The following LRRFIP1 variants were observed in gnomAD, a reference collection of about 807,000 sequenced individuals.
LRRFIP1 encodes leucine-rich repeat flightless-interacting protein 1.
LRRFIP1 carries 62 observed loss-of-function variants against 104.4 expected under a neutral mutation model. The ratio of observed to expected loss-of-function variants is 0.59; its 90% CI spans 0.48 to 0.73. The LOEUF is 0.73. Among genes scored for constraint, LRRFIP1 ranks in the 30% least tolerant of loss-of-function variants. The probability of loss-of-function intolerance (pLI) is 0.00; values close to 1 mark genes in which losing one functional copy is unlikely to be tolerated. For missense variants in LRRFIP1, 796 were observed against 824.5 expected (o/e 0.97, Z 0.42); for synonymous variants, 300 against 299.0 (o/e 1.00, Z -0.03).
chr2:237,648,241 C>T (rs1041677261), intron 1 of LRRFIP1, among the ~76,000 whole-genome samples: 5 of 151,902 alleles, frequency 3.3e-5, no homozygotes, highest in Non-Finnish European at 7.4e-5. Flanking sequence ...ACTCAGCACC[C>T]GTGTTCTAAG....
intron 1 of LRRFIP1, chr2:237,692,292 C>A (rs2149767975): frequency 1.7e-6 from 2 of 1,193,144 alleles, no homozygotes; most frequent in African/African-American, 3.2e-5. Flanking sequence ...GCGAGCCGCT[C>A]CCCGGCGGGC....
chr2:237,750,473 A>G (rs1035617302), intron 13 of LRRFIP1, among the ~76,000 whole-genome samples: 1 of 151,196 alleles, frequency 6.6e-6, no homozygotes, highest in East Asian at 1.9e-4. Flanking sequence ...AGTAGCTGGG[A>G]TTACAGGCGC....
intron 1 of LRRFIP1, among the ~76,000 whole-genome samples, chr2:237,630,579 GTGGCTTCCTGGAGGAAGTGGCATTT>G (rs1223195438): frequency 3.3e-5 from 5 of 152,268 alleles, no homozygotes; most frequent in African/African-American, 9.6e-5. Flanking sequence ...GGTCTCAGAA[GTGGCTTCCTGGAGGAAGTGGCATTT>G]TGAGTTCTTG....
rs1225151949 is a variant in LRRFIP1 at position 237,714,126 on chromosome 2, T to C, written c.184-133T>C. ...TCTTGTCAGTGGGACCTCACCTGTTTTCTTATTCACATTTTACTGTATTCG... is the reference window on the plus strand; with the variant it reads ...TCTTGTCAGTGGGACCTCACCTGTTCTCTTATTCACATTTTACTGTATTCG... On this transcript the variant is annotated intron_variant, in intron 2 of 23. Transcript: ENST00000308482. 2.9e-5 allele frequency: 17 copies of C among 580,250 alleles called. No individual in the cohort carries two copies. The East Asian group carries it at 4.7e-4, about 16-fold the overall frequency. The allele number at this position is 580,250 out of a possible 1,614,324, so 35.9% of individuals were successfully genotyped here.
chr2:237,719,609 A>T, intron 5 of LRRFIP1, 42 bp downstream of exon 5: 1 of 1,468,474 alleles, frequency 6.8e-7, no homozygotes, highest in South Asian at 1.2e-5. Flanking sequence ...ATTTGATTGA[A>T]TTCTAATTTA....
At chr2:237,639,030 A>G (rs756101877) in intron 1 of LRRFIP1, among the ~76,000 whole-genome samples, 2 of 152,194 alleles carry the variant, frequency 1.3e-5, no homozygotes, top group Non-Finnish European at 2.9e-5. Flanking sequence ...GAGGAATGCT[A>G]TCGTGTGGGG....
chr2:237,744,475 C>T (rs531097200), intron 11 of LRRFIP1, among the ~76,000 whole-genome samples: 8 of 152,250 alleles, frequency 5.3e-5, no homozygotes, highest in Non-Finnish European at 8.8e-5. Flanking sequence ...GAAAACTTAG[C>T]GTTTTAGCCT....
intron 1 of LRRFIP1, among the ~76,000 whole-genome samples, chr2:237,659,827 T>C (rs2087530172): frequency 6.6e-6 from 1 of 151,792 alleles, no homozygotes; most frequent in South Asian, 2.1e-4. Flanking sequence ...TTTGTAGAGA[T>C]GGGGTCTCAC....
Position 237,774,361 on chromosome 2 carries a change from A to C in LRRFIP1, c.1711A>C (p.Ile571Leu). ...QEITALEQNV[I>L]RLESQVSRYK... ...TGGTTTTTTTTCTACCTTTTAGGTA[A>C]TAAGGTTAGAGAGTCAAGTATCACG... Residue 571 changes from isoleucine to leucine, a missense_variant, in exon 23 of 24, where the codon ATA (isoleucine) becomes CTA (leucine). Coordinates refer to ENST00000308482, the MANE Select transcript of LRRFIP1 (RefSeq NM_001137550.2). The C allele has an allele frequency of 6.2e-7, 1 of 1,603,936 alleles. No individual in the cohort carries two copies.
rs147960520 is a variant in LRRFIP1, at chr2:237,722,337, T to C, written c.346-1211T>C. Among the ~76,000 whole-genome samples the C allele has an allele frequency of 8.7e-3, 1,327 of 152,326 alleles. 19 individuals are homozygous for C. The highest frequency in any genetic ancestry group is 0.03 in the African/African-American group (1,231 of 41,564). On this transcript the variant is annotated intron_variant, in intron 6 of 23. Coordinates refer to ENST00000308482, the MANE Select transcript of LRRFIP1 (RefSeq NM_001137550.2). ...GGCACAATTTCAGATGTAAGATGTG[T>C]GCACTTACATTTTCCTGGGAAAAGA...
chr2:237,773,523 G>A (rs970738193), intron 22 of LRRFIP1, among the ~76,000 whole-genome samples: 3 of 152,108 alleles, frequency 2.0e-5, no homozygotes, highest in Non-Finnish European at 2.9e-5. Context: ...GGGCAACAGC[G>A]AGACTCTGTC....
At chr2:237,675,780 G>A (rs2091070981) in intron 1 of LRRFIP1, among the ~76,000 whole-genome samples, 1 of 152,176 alleles carries the variant, frequency 6.6e-6, no homozygotes, top group South Asian at 2.1e-4. Context: ...CCATTTTGAT[G>A]TATTTCCTTA....
Position 237,766,338 on chromosome 2 carries a change from A to T in LRRFIP1, c.1460-3605A>T, listed in dbSNP as rs2060252594. ...AAATGCTTGCTAGGAAATAAGTCCA[A>T]GGGCTCTATAGGACTTCACAGGGTT... On this transcript the variant is annotated intron_variant, in intron 19 of 23. Transcript: ENST00000308482. The surrounding 1 kb of genome is among the most constrained non-coding windows in gnomAD (Gnocchi z 4.8). 1.3e-5 allele frequency among the ~76,000 whole-genome samples: 2 copies of T among 152,204 alleles called. No homozygotes were observed. Among genetic ancestry groups the T allele is most frequent in the African/African-American group, 4.8e-5 (2 of 41,446 alleles).
At chr2:237,769,791 C>T in intron 19 of LRRFIP1, 152 bp from the exon 20 acceptor site, 7 of 661,002 alleles carry the variant, frequency 1.1e-5, no homozygotes, top group South Asian at 3.5e-5. Context: ...TCATTCACCC[C>T]GTCCTGTCTG....
chr2:237,685,937 T>C (rs1316957686), intron 1 of LRRFIP1, among the ~76,000 whole-genome samples: 1 of 152,234 alleles, frequency 6.6e-6, no homozygotes, highest in Non-Finnish European at 1.5e-5. Flanking sequence ...TAATGACCAG[T>C]GTTTTTCTAG....
chr2:237,764,162 G>A (rs769676954), intron 19 of LRRFIP1: 36 of 1,613,806 alleles, frequency 2.2e-5, no homozygotes, highest in Middle Eastern at 3.3e-4. Flanking sequence ...CGGCAGGCGC[G>A]GTGCACAGGA....
In LRRFIP1 at chr2:237,769,976, A is replaced by T; in HGVS notation, c.1493A>T (p.Glu498Val). The T allele has an allele frequency of 6.2e-7, 1 of 1,604,824 alleles. No individual in the cohort carries two copies. Among genetic ancestry groups the T allele is most frequent in the Non-Finnish European group, 8.5e-7 (1 of 1,175,064 alleles). Residue 498 changes from glutamate (E) to valine (V), a missense_variant, in exon 20 of 24, where the codon GAA (glutamate) becomes GTA (valine). Transcript: ENST00000308482. Reference protein sequence around the residue: ...IRLKKLVDERECLLEQIKKLK... With the variant: ...IRLKKLVDERVCLLEQIKKLK... ...TTGAAAAAGCTGGTTGATGAACGGG[A>T]ATGCTTATTGGAACAGGTAACAATC...
At position 237,635,615 on chromosome 2, in the gene LRRFIP1, A is replaced by C. The variant is rs1274375996; in HGVS notation, c.96+7875A>C. Among the ~76,000 whole-genome samples the C allele has an allele frequency of 2.0e-5, 3 of 152,232 alleles. No individual in the cohort carries two copies. The East Asian group carries it at 5.8e-4, about 29-fold the overall frequency. Reference sequence around the variant, plus strand: ...GGTGAAAGAATAGCTTAGGACCAAGAGTTCAAGTCCAGCTTGGGCAACAAA... The same window carrying C: ...GGTGAAAGAATAGCTTAGGACCAAGCGTTCAAGTCCAGCTTGGGCAACAAA... On this transcript the variant is annotated intron_variant, in intron 1 of 23. Transcript: ENST00000308482.
chr2:237,764,946 T>C (rs1239687581), intron 19 of LRRFIP1: 1 of 985,368 alleles, frequency 1.0e-6, no homozygotes, highest in African/African-American at 1.7e-5. Context: ...TACTGCAGTA[T>C]TTGAGCAGGG....
Sources: allele counts gnomAD v4.1 joint callset (sites outside exome capture counted in the v4.1 genomes callset), GRCh38; gene constraint gnomAD v4.1.1; non-coding constraint Gnocchi (gnomAD v3.1); transcripts MANE v1.5; gene names NCBI Gene and HGNC (gene_info 2026-07-23, HGNC 2026-07-21).